The following USP32 variants were observed in gnomAD, a reference collection of about 807,000 sequenced individuals.
USP32 encodes the protein ubiquitin specific peptidase 32.
In USP32, 59 loss-of-function variants were observed where a neutral mutation model predicts 204.8. The ratio of observed to expected loss-of-function variants is 0.29; its 90% CI spans 0.23 to 0.36. USP32 has a LOEUF of 0.36. Ranked by LOEUF, USP32 falls within the 10% of genes least tolerant of loss-of-function variation. The probability of loss-of-function intolerance (pLI) is 1.00; values close to 1 mark genes in which losing one functional copy is unlikely to be tolerated. For missense variants in USP32, 1,160 were observed against 1,946.4 expected (o/e 0.60, Z 7.60); for synonymous variants, 517 against 678.4 (o/e 0.76, Z 3.70).
In USP32 at chr17:60,188,510, A is replaced by G. The variant is rs374815270; in HGVS notation, c.3642+2053T>C. On this transcript the variant is annotated intron_variant, in intron 29 of 33. Transcript: ENST00000300896. Reference sequence around the variant, plus strand: ...GTTTTTTAAAAAATGTTCACATATCATAAGCTTGTTCCCATAAATGTTAGC... The same window carrying G: ...GTTTTTTAAAAAATGTTCACATATCGTAAGCTTGTTCCCATAAATGTTAGC... 1.5e-4 allele frequency among the ~76,000 whole-genome samples: 23 copies of G among 152,316 alleles called. No homozygotes were observed. The East Asian group carries it at 3.3e-3, about 22-fold the overall frequency.
chr17:60,375,436 T>G (rs1333333954), intron 1 of USP32, among the ~76,000 whole-genome samples: 2 of 152,238 alleles, frequency 1.3e-5, no homozygotes, highest in Non-Finnish European at 2.9e-5. Flanking sequence ...TCTTTATCAT[T>G]GAGTACTTAA....
chr17:60,299,450 G>C (rs2087518788), intron 3 of USP32, among the ~76,000 whole-genome samples: 1 of 152,174 alleles, frequency 6.6e-6, no homozygotes, highest in Admixed American at 6.5e-5. Flanking sequence ...ATGCAAGAGG[G>C]AGAGAGAAGG....
chr17:60,350,016 T>G (rs979283168), intron 1 of USP32, among the ~76,000 whole-genome samples: 7 of 144,410 alleles, frequency 4.8e-5, no homozygotes, highest in Middle Eastern at 3.6e-3. Context: ...TTGGTTTTTG[T>G]TTTTTTTTTT....
At chr17:60,415,599 T>C (rs779081123) in intron 1 of USP32, among the ~76,000 whole-genome samples, 2 of 152,102 alleles carry the variant, frequency 1.3e-5, no homozygotes, top group African/African-American at 2.4e-5. Flanking sequence ...CTTAAGCCCA[T>C]TGGTGGATTA....
chr17:60,411,423 G>A (rs2090017556), intron 1 of USP32, among the ~76,000 whole-genome samples: 1 of 150,530 alleles, frequency 6.6e-6, no homozygotes, highest in Admixed American at 6.6e-5. Context: ...GAGGTGGGAG[G>A]ATCACTTGAG....
chr17:60,397,643 A>G (rs554221285), intron 1 of USP32, among the ~76,000 whole-genome samples: 43 of 152,164 alleles, frequency 2.8e-4, no homozygotes, highest in Non-Finnish European at 5.3e-4. Flanking sequence ...ATGAGACACC[A>G]TGCATAGTCA....
chr17:60,203,279 T>G (rs1264835914), intron 26 of USP32, among the ~76,000 whole-genome samples: 5 of 150,780 alleles, frequency 3.3e-5, no homozygotes, highest in African/African-American at 4.9e-5. Context: ...CGTGCACCTG[T>G]AGTATCAGCT....
chr17:60,307,246 C>T (rs145060407), intron 2 of USP32, among the ~76,000 whole-genome samples: 27 of 151,964 alleles, frequency 1.8e-4, no homozygotes, highest in African/African-American at 3.1e-4. Flanking sequence ...ATTACAGGCA[C>T]GCACCACAAT....
chr17:60,318,180 A>T (rs1405293109), intron 2 of USP32, among the ~76,000 whole-genome samples: 1 of 152,248 alleles, frequency 6.6e-6, no homozygotes, highest in Non-Finnish European at 1.5e-5. Flanking sequence ...AGGCTGTGAC[A>T]CTAGGCTAAA....
At chr17:60,227,953 G>A (rs1470272185) in intron 12 of USP32, among the ~76,000 whole-genome samples, 4 of 151,886 alleles carry the variant, frequency 2.6e-5, no homozygotes, top group Admixed American at 2.6e-4. Context: ...TGATTAAGAA[G>A]TAGGAATCTA....
At chr17:60,376,881 A>C (rs879291897) in intron 1 of USP32, among the ~76,000 whole-genome samples, 1 of 152,170 alleles carries the variant, frequency 6.6e-6, no homozygotes, top group Non-Finnish European at 1.5e-5. Flanking sequence ...AGTTGGATAA[A>C]AGTTTTCTTC....
intron 5 of USP32, among the ~76,000 whole-genome samples, chr17:60,283,548 G>A (rs1252846355): frequency 6.6e-6 from 1 of 152,132 alleles, no homozygotes; most frequent in Non-Finnish European, 1.5e-5. Context: ...ATATGTCTGA[G>A]TTAAGATGGA....
Position 60,192,705 on chromosome 17 carries a change from G to A in USP32, c.3521+139C>T, listed in dbSNP as rs549234966. Reference sequence around the variant, plus strand: ...TTCCCAAAGTGATGGGAATACAGGCGTGAGCCACCGTGCCCAGCCACAATT... The same window carrying A: ...TTCCCAAAGTGATGGGAATACAGGCATGAGCCACCGTGCCCAGCCACAATT... On this transcript the variant is annotated intron_variant, in intron 28 of 33. Transcript: ENST00000300896. The A allele has an allele frequency of 2.9e-4, 309 of 1,071,644 alleles. No homozygotes were observed. The Middle Eastern group carries it at 8.2e-3, about 28-fold the overall frequency. The allele number at this position is 1,071,644 out of a possible 1,614,324, so 66.4% of individuals were successfully genotyped here. A position where few individuals can be genotyped will look rare whatever the true frequency, so the allele number is the denominator to read the frequency against.
intron 7 of USP32, among the ~76,000 whole-genome samples, chr17:60,268,402 C>G (rs1369091697): frequency 2.5e-5 from 3 of 122,268 alleles, no homozygotes; most frequent in Non-Finnish European, 3.0e-5. Flanking sequence ...GACACTATCT[C>G]TATTTAAAAA....
At chr17:60,352,030 A>G (rs1479016516) in intron 1 of USP32, among the ~76,000 whole-genome samples, 1 of 152,228 alleles carries the variant, frequency 6.6e-6, no homozygotes, top group Non-Finnish European at 1.5e-5. Context: ...TGCAAGTAGT[A>G]TGATATAAAT....
intron 2 of USP32, among the ~76,000 whole-genome samples, chr17:60,316,611 C>A (rs2087984961): frequency 1.3e-5 from 2 of 152,116 alleles, no homozygotes; most frequent in Admixed American, 1.3e-4. Context: ...GAGGCTGAGA[C>A]AGGGGGAGCA....
chr17:60,292,703 C>G (rs2087313540), intron 4 of USP32, among the ~76,000 whole-genome samples: 1 of 151,930 alleles, frequency 6.6e-6, no homozygotes, highest in Non-Finnish European at 1.5e-5. Context: ...GACCCTCATG[C>G]CTGGATTATT....
chr17:60,349,958 T>G (rs2088910471), intron 1 of USP32, among the ~76,000 whole-genome samples: 1 of 150,288 alleles, frequency 6.7e-6, no homozygotes, highest in Non-Finnish European at 1.5e-5. Flanking sequence ...AGACAGAAAA[T>G]ATAATAGAAT....
At chr17:60,273,560 G>C (rs2145796030) in intron 5 of USP32, among the ~76,000 whole-genome samples, 1 of 152,244 alleles carries the variant, frequency 6.6e-6, no homozygotes, top group East Asian at 1.9e-4. Context: ...TTTTTAAAGA[G>C]AGACAACAAT....
Sources: gnomAD v4.1 joint callset for allele counts (sites outside exome capture counted in the v4.1 genomes callset) on GRCh38, gnomAD v4.1.1 for gene constraint, MANE v1.5 for transcripts, NCBI Gene and HGNC (gene_info 2026-07-23, HGNC 2026-07-21) for gene names.